CCDC85A: variants seen among roughly 807,000 people sequenced by gnomAD.
The protein encoded by CCDC85A is coiled-coil domain-containing protein 85A.
CCDC85A carries 38 observed loss-of-function variants against 50.2 expected under a neutral mutation model. The observed-to-expected ratio is 0.76, with a 90% CI of 0.58 to 0.99. The LOEUF (loss-of-function observed/expected upper bound fraction) is 0.99. Ranked by LOEUF, CCDC85A falls within the 50% of genes least tolerant of loss-of-function variation. The probability of loss-of-function intolerance (pLI) is 0.00; values close to 1 mark genes in which losing one functional copy is unlikely to be tolerated. For missense variants in CCDC85A, 820 were observed against 742.0 expected (o/e 1.11, Z -1.22); for synonymous variants, 366 against 301.4 (o/e 1.21, Z -2.22).
intron 2 of CCDC85A, among the ~76,000 whole-genome samples, chr2:56,233,946 A>T (rs1668886762): frequency 1.3e-5 from 2 of 152,178 alleles, no homozygotes; most frequent in South Asian, 4.1e-4. Flanking sequence ...GCTGATGCAT[A>T]ATCAAATTGG....
At position 56,192,547 on chromosome 2, in the gene CCDC85A, G is replaced by A. The variant is rs756124844; in HGVS notation, c.347G>A (p.Arg116Gln). ...RDLCCFLDDD[R>Q]QKGKRVSREW... ...CTCTGCTGTTTCCTGGATGATGACC[G>A]GCAGAAAGGCAAGAGGGTGTCTCGG... The change falls in exon 2 of 6, where the codon CGG becomes CAG. Residue 116 changes from arginine to glutamine, a missense_variant. By Grantham distance (43) the Arg-to-Gln change is conservative (BLOSUM62 1). Transcript: ENST00000407595. This position sits in a 1 kb window ranked among gnomAD's most constrained non-coding sequence, Gnocchi z 4.7. 1 of 1,613,920 alleles carries A rather than the reference G, an allele frequency of 6.2e-7. No individual in the cohort carries two copies. Among genetic ancestry groups the A allele is most frequent in the Non-Finnish European group, 8.5e-7 (1 of 1,179,886 alleles).
intron 2 of CCDC85A, among the ~76,000 whole-genome samples, chr2:56,245,016 A>C (rs1301255012): frequency 1.3e-5 from 2 of 152,028 alleles, no homozygotes; most frequent in Non-Finnish European, 2.9e-5. Flanking sequence ...TGGAGCTGCA[A>C]GCTGTGCTGC....
chr2:56,184,748 G>T lies in CCDC85A; in HGVS notation c.124G>T (p.Glu42Ter). Residue 42 changes from glutamate (E) to a stop codon, truncating the protein, a stop_gained, in exon 1 of 6, where the codon GAG becomes TAG. Transcript: ENST00000407595. LOFTEE classifies it high-confidence loss of function. ...GGAGGACCTGTCCAAAGTGTCGGAC[G>T]AGGAGCTGCTGCAGTGGAGCAAGGA... ...PVEDLSKVSD[E>*]ELLQWSKEEL... is the part of the protein sequence containing the mutation. 6.5e-7 allele frequency: 1 copy of T among 1,543,684 alleles called. No individual in the cohort carries two copies. The highest frequency in any genetic ancestry group is 8.7e-7 in the Non-Finnish European group (1 of 1,145,292).
intron 2 of CCDC85A, among the ~76,000 whole-genome samples, chr2:56,260,112 AAG>A (rs1338575637): frequency 6.6e-6 from 1 of 152,232 alleles, no homozygotes; most frequent in Non-Finnish European, 1.5e-5. Context: ...CAGATGGTCA[AAG>A]AGCAGGGAAG....
intron 2 of CCDC85A, among the ~76,000 whole-genome samples, chr2:56,236,026 G>A (rs759070076): frequency 3.3e-5 from 5 of 152,190 alleles, no homozygotes; most frequent in Non-Finnish European, 7.3e-5. Flanking sequence ...ATAAAAAAGA[G>A]TGAGATGTTC....
At chr2:56,364,549 G>A (rs1326032339) in intron 3 of CCDC85A, among the ~76,000 whole-genome samples, 1 of 152,084 alleles carries the variant, frequency 6.6e-6, no homozygotes, top group African/African-American at 2.4e-5. Context: ...CTTTTGGAGG[G>A]TATTCGTGAC....
At chr2:56,343,965 A>T (rs968716911) in intron 3 of CCDC85A, among the ~76,000 whole-genome samples, 19 of 152,110 alleles carry the variant, frequency 1.2e-4, no homozygotes, top group African/African-American at 4.6e-4. Context: ...CTCATTAGTG[A>T]TGATTTGGGC....
chr2:56,322,422 A>C (rs1673248635), intron 2 of CCDC85A, among the ~76,000 whole-genome samples: 1 of 152,222 alleles, frequency 6.6e-6, no homozygotes, highest in African/African-American at 2.4e-5. Context: ...TCCAGAATCT[A>C]CAAAAAACTC....
At chr2:56,354,818 G>C (rs1356924913) in intron 3 of CCDC85A, among the ~76,000 whole-genome samples, 1 of 152,128 alleles carries the variant, frequency 6.6e-6, no homozygotes, top group Non-Finnish European at 1.5e-5. Flanking sequence ...AGACGATTTA[G>C]GGTTTATTTT....
chr2:56,189,060 G>A (rs937925855), intron 1 of CCDC85A, among the ~76,000 whole-genome samples: 1 of 152,100 alleles, frequency 6.6e-6, no homozygotes, highest in East Asian at 1.9e-4. Flanking sequence ...TTTCTGTGCC[G>A]GGGGAAACTT....
rs536240866 is a variant in CCDC85A, at chr2:56,314,361, T to G, written c.1241-28518T>G. Among the ~76,000 whole-genome samples the G allele has an allele frequency of 1.1e-4, 17 of 152,052 alleles. No individual in the cohort carries two copies. In the East Asian group the frequency reaches 3.1e-3, roughly 28 times the overall value. On this transcript the variant is annotated intron_variant, in intron 2 of 5. Coordinates refer to ENST00000407595, the MANE Select transcript of CCDC85A (RefSeq NM_001080433.2). ...AGCCTGCAATCTTTAGGAAGTTTTT[T>G]TTTCTTTTTGCTTCTCTAGGCCTCA...
intron 2 of CCDC85A, among the ~76,000 whole-genome samples, chr2:56,283,933 C>A (rs1671314805): frequency 6.6e-6 from 1 of 151,898 alleles, no homozygotes; most frequent in African/African-American, 2.4e-5. Flanking sequence ...ATTTTCTTGT[C>A]TTTTTCCATA....
chr2:56,275,329 T>G (rs1670880505), intron 2 of CCDC85A, among the ~76,000 whole-genome samples: 1 of 152,220 alleles, frequency 6.6e-6, no homozygotes, highest in Non-Finnish European at 1.5e-5. Flanking sequence ...TTGTAGTCCT[T>G]TGTAGAGTGC....
intron 2 of CCDC85A, among the ~76,000 whole-genome samples, chr2:56,285,725 C>A (rs976511179): frequency 6.6e-6 from 1 of 151,430 alleles, no homozygotes; most frequent in African/African-American, 2.4e-5. Context: ...GCATTATGAA[C>A]CCTATACTAT....
intron 2 of CCDC85A, among the ~76,000 whole-genome samples, chr2:56,288,311 T>C (rs1333531133): frequency 6.7e-6 from 1 of 149,756 alleles, no homozygotes; most frequent in Non-Finnish European, 1.5e-5. Flanking sequence ...TTTTTTTTTT[T>C]CCTTTTAGCA....
intron 2 of CCDC85A, among the ~76,000 whole-genome samples, chr2:56,261,592 T>C (rs1210131239): frequency 6.6e-6 from 1 of 152,162 alleles, no homozygotes; most frequent in African/African-American, 2.4e-5. Flanking sequence ...ATGCAAAATA[T>C]GGTGTTGGAT....
intron 2 of CCDC85A, among the ~76,000 whole-genome samples, chr2:56,322,149 G>T (rs1476850961): frequency 6.6e-6 from 1 of 152,120 alleles, no homozygotes; most frequent in Non-Finnish European, 1.5e-5. Flanking sequence ...AATTCAAGAT[G>T]GATTAAAGAC....
At chr2:56,351,580 A>G (rs1183011461) in intron 3 of CCDC85A, among the ~76,000 whole-genome samples, 3 of 142,062 alleles carry the variant, frequency 2.1e-5, no homozygotes, top group Non-Finnish European at 3.0e-5. Flanking sequence ...TGTGGTTTTG[A>G]TTTGCATTTC....
At chr2:56,258,694 T>C (rs1159284925) in intron 2 of CCDC85A, among the ~76,000 whole-genome samples, 4 of 152,286 alleles carry the variant, frequency 2.6e-5, no homozygotes, top group African/African-American at 9.6e-5. Flanking sequence ...TAAGAGAAAG[T>C]AGTTACCTCA....
Sources: gnomAD v4.1 joint callset for allele counts (sites outside exome capture counted in the v4.1 genomes callset) on GRCh38, gnomAD v4.1.1 for gene constraint, Gnocchi (gnomAD v3.1) non-coding constraint, MANE v1.5 for transcripts, NCBI Gene and HGNC (gene_info 2026-07-23, HGNC 2026-07-21) for gene names.